Variants in PHACTR1 observed in about 807,000 individuals in gnomAD.
The protein encoded by PHACTR1 is RPEL repeat containing 1.
In PHACTR1, 16 loss-of-function variants were observed where a neutral mutation model predicts 69.2. The ratio of observed to expected loss-of-function variants is 0.23; its 90% CI spans 0.16 to 0.35. The LOEUF is 0.35. Among genes scored for constraint, PHACTR1 ranks in the 10% least tolerant of loss-of-function variants. The pLI, the probability that PHACTR1 is intolerant of heterozygous loss-of-function variation, is 1.00. For synonymous variants in PHACTR1, 312 were observed against 284.5 expected, an observed-to-expected ratio of 1.10 and a Z score of -0.97; for missense variants, 510 against 734.7, an observed-to-expected ratio of 0.69 and a Z score of 3.54.
chr6:12,926,594 CAT>C (rs1788288174), intron 4 of PHACTR1, among the ~76,000 whole-genome samples: 1 of 152,244 alleles, frequency 6.6e-6, no homozygotes, highest in South Asian at 2.1e-4. Context: ...CCTCCTGACT[CAT>C]ATCCTTGTCC....
chr6:13,258,362 G>GAA (rs60311779), intron 10 of PHACTR1, among the ~76,000 whole-genome samples: 238 of 144,912 alleles, frequency 1.6e-3, no homozygotes, highest in Admixed American at 3.0e-3. Flanking sequence ...CTTAAAAAAA[G>GAA]AAAAAAAAAA....
At chr6:12,987,947 G>C (rs1179312336) in intron 4 of PHACTR1, among the ~76,000 whole-genome samples, 2 of 152,180 alleles carry the variant, frequency 1.3e-5, no homozygotes, top group Non-Finnish European at 2.9e-5. Flanking sequence ...TCCAGCACTT[G>C]TGCTAGATGG....
intron 3 of PHACTR1, among the ~76,000 whole-genome samples, chr6:12,719,503 G>A (rs2127554491): frequency 6.6e-6 from 1 of 152,132 alleles, no homozygotes; most frequent in Middle Eastern, 3.4e-3. Context: ...TCGTGACTAG[G>A]AGGAGATTTT....
chr6:12,806,938 T>G (rs1774414515), intron 4 of PHACTR1, among the ~76,000 whole-genome samples: 1 of 152,210 alleles, frequency 6.6e-6, no homozygotes, highest in Admixed American at 6.5e-5. Context: ...AATCTAGCAA[T>G]CAGATGACAA....
At chr6:13,229,999 T>C (rs1451151095) in intron 9 of PHACTR1, 38 bp from the exon 10 acceptor site, 1 of 1,558,598 alleles carries the variant, frequency 6.4e-7, no homozygotes, top group South Asian at 1.2e-5. Context: ...CCCAGGCAGA[T>C]ATGTAAGCCT....
At chr6:13,196,748 T>C (rs982853662) in intron 7 of PHACTR1, among the ~76,000 whole-genome samples, 1 of 152,158 alleles carries the variant, frequency 6.6e-6, no homozygotes, top group African/African-American at 2.4e-5. Context: ...ACCGATGTAG[T>C]GCGGTGTGCA....
At chr6:13,000,477 G>T (rs965186990) in intron 4 of PHACTR1, among the ~76,000 whole-genome samples, 1 of 152,070 alleles carries the variant, frequency 6.6e-6, no homozygotes, top group Non-Finnish European at 1.5e-5. Flanking sequence ...GAGCTCAGGA[G>T]GTCCAGGCTG....
intron 5 of PHACTR1, among the ~76,000 whole-genome samples, chr6:13,062,293 T>G (rs1162443201): frequency 1.3e-5 from 2 of 152,228 alleles, no homozygotes. Flanking sequence ...GTCATTCTGC[T>G]ATAGGTTCCA....
intron 4 of PHACTR1, among the ~76,000 whole-genome samples, chr6:12,838,215 T>C (rs1778349124): frequency 6.6e-6 from 1 of 152,172 alleles, no homozygotes; most frequent in Non-Finnish European, 1.5e-5. Context: ...AAGTCACAGT[T>C]CCTGCTCACA....
intron 5 of PHACTR1, among the ~76,000 whole-genome samples, chr6:13,134,744 C>T (rs573203231): frequency 2.6e-4 from 38 of 148,612 alleles, no homozygotes; most frequent in African/African-American, 8.8e-4. Context: ...TGTCCTATGA[C>T]CCTGCCAAAT....
chr6:12,914,448 C>T (rs573619274), intron 4 of PHACTR1, among the ~76,000 whole-genome samples: 1 of 152,276 alleles, frequency 6.6e-6, no homozygotes, highest in African/African-American at 2.4e-5. Flanking sequence ...AGCTCTGAAA[C>T]TGTATGTCCG....
intron 5 of PHACTR1, among the ~76,000 whole-genome samples, chr6:13,076,696 A>G (rs775734865): frequency 6.6e-6 from 1 of 151,976 alleles, no homozygotes; most frequent in Non-Finnish European, 1.5e-5. Context: ...AGCAAACAAG[A>G]CAGAGTGAGG....
intron 3 of PHACTR1, among the ~76,000 whole-genome samples, chr6:12,743,376 T>C (rs1451508882): frequency 2.0e-5 from 3 of 152,184 alleles, no homozygotes; most frequent in Non-Finnish European, 4.4e-5. Flanking sequence ...ATTATTTGTA[T>C]AAAGTGCAGC....
At chr6:13,116,176 G>C (rs1201800168) in intron 5 of PHACTR1, among the ~76,000 whole-genome samples, 1 of 152,190 alleles carries the variant, frequency 6.6e-6, no homozygotes, top group African/African-American at 2.4e-5. Flanking sequence ...TATTGAGGAG[G>C]CTACCAATAG....
chr6:13,233,416 A>C, intron 10 of PHACTR1, among the ~76,000 whole-genome samples: 1 of 151,990 alleles, frequency 6.6e-6, no homozygotes, highest in East Asian at 1.9e-4. Context: ...TGTATTATTC[A>C]GTTTGCTGCT....
At chr6:12,944,046 G>T (rs962786093) in intron 4 of PHACTR1, among the ~76,000 whole-genome samples, 1 of 152,180 alleles carries the variant, frequency 6.6e-6, no homozygotes, top group African/African-American at 2.4e-5. Flanking sequence ...GGAAACAATT[G>T]CAGTGTTCTT....
At chr6:12,831,359 C>G (rs901564946) in intron 4 of PHACTR1, among the ~76,000 whole-genome samples, 2 of 152,192 alleles carry the variant, frequency 1.3e-5, no homozygotes, top group Non-Finnish European at 1.5e-5. Context: ...ATCATCCAGA[C>G]AAGAACCCGT....
chr6:13,193,706 G>T (rs1763950559), intron 7 of PHACTR1, among the ~76,000 whole-genome samples: 1 of 151,942 alleles, frequency 6.6e-6, no homozygotes, highest in South Asian at 2.1e-4. Flanking sequence ...TCTTTTATAT[G>T]ATCTCAATTT....
At chr6:12,974,033 TG>T (rs1238774269) in intron 4 of PHACTR1, among the ~76,000 whole-genome samples, 1 of 147,988 alleles carries the variant, frequency 6.8e-6, no homozygotes, top group East Asian at 2.0e-4. Flanking sequence ...GCGATTCTCC[TG>T]CCTCAGCCTC....
Sources: allele counts gnomAD v4.1 joint callset (sites outside exome capture counted in the v4.1 genomes callset), GRCh38; gene constraint gnomAD v4.1.1; transcripts MANE v1.5; gene names NCBI Gene and HGNC (gene_info 2026-07-23, HGNC 2026-07-21).